Variants in METTL9 observed in about 807,000 individuals in gnomAD.
The protein encoded by METTL9 is protein-L-histidine N-pros-methyltransferase.
METTL9 carries 10 observed loss-of-function variants against 36.0 expected under a neutral mutation model. The observed-to-expected ratio is 0.28, with a 90% CI of 0.17 to 0.47. The LOEUF (loss-of-function observed/expected upper bound fraction) is 0.47, where lower values mean the gene tolerates loss of function less well. Ranked by LOEUF, METTL9 falls within the 20% of genes least tolerant of loss-of-function variation. The pLI is 0.99. For synonymous variants in METTL9, 175 were observed against 149.7 expected (o/e 1.17, Z -1.23); for missense variants, 246 against 383.5 (o/e 0.64, Z 3.00).
At chr16:21,654,913 T>A (rs1215281456) in intron 4 of METTL9, 1 of 350,372 alleles carries the variant, frequency 2.9e-6, no homozygotes, top group Non-Finnish European at 5.3e-6. Context: ...GCAGTCAGTC[T>A]ATTGGCAGAT....
chr16:21,626,185 C>G (rs7199171), intron 4 of METTL9, among the ~76,000 whole-genome samples: 16,559 of 152,130 alleles, frequency 0.11, 3,033 homozygotes, highest in African/African-American at 0.38. Flanking sequence ...ATTACAGGTG[C>G]GAGCCACCAT....
chr16:21,604,520 C>A (rs982024617), intron 1 of METTL9, among the ~76,000 whole-genome samples: 27 of 152,018 alleles, frequency 1.8e-4, no homozygotes, highest in African/African-American at 6.3e-4. Context: ...TAATTGATTC[C>A]CCTCATGGAT....
intron 1 of METTL9, 148 bp from the exon 2 acceptor site, chr16:21,612,497 G>A (rs756640425): frequency 2.1e-4 from 147 of 710,120 alleles, no homozygotes; most frequent in Middle Eastern, 4.0e-4. Context: ...ATGAGTATAC[G>A]AAATGATTAT....
At chr16:21,650,744 G>T (rs1966552409) in intron 4 of METTL9, among the ~76,000 whole-genome samples, 1 of 152,102 alleles carries the variant, frequency 6.6e-6, no homozygotes, top group African/African-American at 2.4e-5. Flanking sequence ...CCCCCAACCA[G>T]TTAGGCAACC....
intron 4 of METTL9, chr16:21,654,445 T>C (rs1966659561): frequency 6.6e-6 from 1 of 152,266 alleles, no homozygotes; most frequent in South Asian, 2.1e-4. Flanking sequence ...TCTCTGTGTG[T>C]GTGTCTGTAG....
At chr16:21,624,555 C>T (rs532550198) in intron 3 of METTL9, among the ~76,000 whole-genome samples, 76 of 151,844 alleles carry the variant, frequency 5.0e-4, no homozygotes, top group South Asian at 1.0e-3. Context: ...GGTAAAACCC[C>T]GTCTCTACTA....
chr16:21,610,301 A>C (rs766488411), intron 1 of METTL9, among the ~76,000 whole-genome samples: 4 of 152,226 alleles, frequency 2.6e-5, no homozygotes, highest in African/African-American at 4.8e-5. Context: ...GTCAAGGTTC[A>C]TCCATGCTGG....
chr16:21,624,506 C>A (rs759776592), intron 3 of METTL9, among the ~76,000 whole-genome samples: 1 of 152,076 alleles, frequency 6.6e-6, no homozygotes, highest in South Asian at 2.1e-4. Flanking sequence ...GCAGTCGGAT[C>A]GCTTGAGGTG....
intron 2 of METTL9, 85 bp from the exon 3 acceptor site, chr16:21,617,780 G>T: frequency 8.5e-7 from 1 of 1,174,498 alleles, no homozygotes. Context: ...TGTTGGTGCT[G>T]AGTCACTATA....
intron 4 of METTL9, chr16:21,646,922 G>A: frequency 1.7e-6 from 1 of 594,380 alleles, no homozygotes; most frequent in Non-Finnish European, 3.0e-6. Flanking sequence ...TCAAAGTGCT[G>A]GGATTACAGG....
chr16:21,612,332 AGT>A (rs1965444323), intron 1 of METTL9: 1 of 213,040 alleles, frequency 4.7e-6, no homozygotes, highest in African/African-American at 2.3e-5. Context: ...TGGGAGTCCG[AGT>A]GCCTGAGCTG....
intron 3 of METTL9, among the ~76,000 whole-genome samples, chr16:21,622,975 G>C (rs1006732425): frequency 6.6e-6 from 1 of 152,134 alleles, no homozygotes; most frequent in Non-Finnish European, 1.5e-5. Context: ...CTTAGCTAAG[G>C]CGTTAATATA....
rs549210257 is a variant in METTL9 at position 21,629,173 on chromosome 16, C to T, written c.751+4058C>T. On this transcript the variant is annotated intron_variant, in intron 4 of 4. Coordinates refer to ENST00000358154, the MANE Select transcript of METTL9 (RefSeq NM_016025.5). The stretch of plus-strand genomic sequence containing the variant: ...CCCAAAGTGCTGTGATTACATTTCC[C>T]TCTTAAAGTTGTGTTATAGACTGCG... Among the ~76,000 whole-genome samples the T allele has an allele frequency of 2.0e-4, 31 of 152,092 alleles. No homozygotes were observed. The South Asian group carries it at 6.2e-3, about 31-fold the overall frequency.
chr16:21,634,592 C>T (rs946211193), intron 4 of METTL9, among the ~76,000 whole-genome samples: 4 of 152,122 alleles, frequency 2.6e-5, no homozygotes, highest in African/African-American at 9.7e-5. Flanking sequence ...TCTCACTTTT[C>T]CTTTTGGGCC....
intron 4 of METTL9, among the ~76,000 whole-genome samples, chr16:21,635,591 A>G (rs1211907962): frequency 6.6e-6 from 1 of 152,066 alleles, no homozygotes; most frequent in South Asian, 2.1e-4. Context: ...TGTAATTTCT[A>G]CTTCCCTCAG....
chr16:21,654,803 A>G (rs1966666950), intron 4 of METTL9: 1 of 160,636 alleles, frequency 6.2e-6, no homozygotes, highest in Admixed American at 6.1e-5. Flanking sequence ...ATTTTCTTGC[A>G]TTTGTCCAAA....
At chr16:21,634,705 C>T (rs1242155382) in intron 4 of METTL9, among the ~76,000 whole-genome samples, 10 of 152,052 alleles carry the variant, frequency 6.6e-5, no homozygotes, top group Admixed American at 4.6e-4. Flanking sequence ...TATCTGCAGC[C>T]GATTGGGTAA....
chr16:21,619,743 G>A (rs1965648113), intron 3 of METTL9, among the ~76,000 whole-genome samples: 1 of 151,996 alleles, frequency 6.6e-6, no homozygotes, highest in Non-Finnish European at 1.5e-5. Context: ...GCTGGAAGAA[G>A]GGTATTCTTA....
intron 1 of METTL9, among the ~76,000 whole-genome samples, chr16:21,604,937 C>T (rs977503970): frequency 6.6e-6 from 1 of 152,134 alleles, no homozygotes; most frequent in Non-Finnish European, 1.5e-5. Flanking sequence ...TCTCCTCTGA[C>T]CAGCCCTTGC....
Sources: gnomAD v4.1 joint callset for allele counts (sites outside exome capture counted in the v4.1 genomes callset) on GRCh38, gnomAD v4.1.1 for gene constraint, MANE v1.5 for transcripts, NCBI Gene and HGNC (gene_info 2026-07-23, HGNC 2026-07-21) for gene names.